Variants in PTPRK observed in about 807,000 individuals in gnomAD.
PTPRK encodes the protein protein tyrosine phosphatase receptor type K.
In PTPRK, 75 loss-of-function variants were observed where a neutral mutation model predicts 178.0. The ratio of observed to expected loss-of-function variants is 0.42; its 90% CI spans 0.35 to 0.51. The LOEUF (loss-of-function observed/expected upper bound fraction) is 0.51. Ranked by LOEUF, PTPRK falls within the 20% of genes least tolerant of loss-of-function variation. The pLI, the probability that PTPRK is intolerant of heterozygous loss-of-function variation, is 0.02. For synonymous variants in PTPRK, 637 were observed against 620.6 expected (o/e 1.03, Z -0.39); for missense variants, 1,441 against 1,797.8 (o/e 0.80, Z 3.59).
chr6:128,455,741 T>C (rs73589590), intron 1 of PTPRK, among the ~76,000 whole-genome samples: 2,357 of 152,244 alleles, frequency 0.015, 58 homozygotes, highest in African/African-American at 0.053. Context: ...GGTGAAGATA[T>C]ACAGTCATTT....
At chr6:128,424,942 T>G (rs1001599523) in intron 1 of PTPRK, among the ~76,000 whole-genome samples, 1 of 151,994 alleles carries the variant, frequency 6.6e-6, no homozygotes, top group Non-Finnish European at 1.5e-5. Context: ...CCTTTCCTTT[T>G]TTTCTTTTTT....
chr6:128,279,452 A>G (rs1821335058), intron 3 of PTPRK, among the ~76,000 whole-genome samples: 2 of 152,194 alleles, frequency 1.3e-5, no homozygotes, highest in African/African-American at 4.8e-5. Flanking sequence ...TCCCCAATGA[A>G]TGGCTTTCCT....
chr6:128,028,323 C>T (rs1353954538), intron 13 of PTPRK, among the ~76,000 whole-genome samples: 1 of 152,130 alleles, frequency 6.6e-6, no homozygotes, highest in Non-Finnish European at 1.5e-5. Flanking sequence ...TTTCAGAACA[C>T]CTTTTAAGGT....
intron 9 of PTPRK, 71 bp downstream of exon 9, chr6:128,083,644 T>C (rs538528195): frequency 3.3e-4 from 277 of 843,282 alleles, no homozygotes; most frequent in Non-Finnish European, 4.5e-4. Flanking sequence ...TATTTCCCTC[T>C]AACTTTTCCT....
chr6:128,164,938 T>A (rs1799185416), intron 7 of PTPRK, among the ~76,000 whole-genome samples: 1 of 151,382 alleles, frequency 6.6e-6, no homozygotes, highest in South Asian at 2.1e-4. Context: ...CTATCTAAAT[T>A]ATCACAATGG....
chr6:128,219,271 G>A (rs1425961986), intron 5 of PTPRK, among the ~76,000 whole-genome samples, 175 bp from the exon 6 acceptor site: 3 of 143,386 alleles, frequency 2.1e-5, no homozygotes, highest in African/African-American at 7.3e-5. Flanking sequence ...CGAAAGCAGT[G>A]GTCCTCAACC....
chr6:128,109,676 T>C (rs759034974), intron 7 of PTPRK, among the ~76,000 whole-genome samples: 1 of 152,192 alleles, frequency 6.6e-6, no homozygotes, highest in African/African-American at 2.4e-5. Context: ...CAGTGAACTG[T>C]TGGTAATAAA....
chr6:128,481,707 T>C (rs866671234), intron 1 of PTPRK, among the ~76,000 whole-genome samples: 4 of 152,190 alleles, frequency 2.6e-5, no homozygotes, highest in Middle Eastern at 3.4e-3. Context: ...ATTGAAAATA[T>C]TATAATTATA....
chr6:128,097,091 G>T (rs1056850174), intron 7 of PTPRK, among the ~76,000 whole-genome samples: 1 of 152,104 alleles, frequency 6.6e-6, no homozygotes, highest in East Asian at 1.9e-4. Context: ...GCTCCCATGG[G>T]TCAAATTGAG....
intron 29 of PTPRK, among the ~76,000 whole-genome samples, chr6:127,972,531 TAC>T (rs1410574257): frequency 6.6e-6 from 1 of 152,230 alleles, no homozygotes; most frequent in Non-Finnish European, 1.5e-5. Context: ...AACTGCCCTC[TAC>T]AGTTGGTAAA....
intron 1 of PTPRK, among the ~76,000 whole-genome samples, chr6:128,475,599 A>G (rs530168605): frequency 2.0e-4 from 30 of 152,184 alleles, no homozygotes; most frequent in African/African-American, 7.0e-4. Flanking sequence ...AACCAAGGCC[A>G]ACTGGCAAGT....
At chr6:128,297,235 G>A (rs568516654) in intron 3 of PTPRK, among the ~76,000 whole-genome samples, 2 of 152,180 alleles carry the variant, frequency 1.3e-5, no homozygotes, top group South Asian at 2.1e-4. Context: ...CAAGTCCTGA[G>A]TGACCTACAA....
chr6:128,052,992 A>G (rs1779283005), intron 13 of PTPRK, among the ~76,000 whole-genome samples: 1 of 152,018 alleles, frequency 6.6e-6, no homozygotes, highest in Non-Finnish European at 1.5e-5. Context: ...TTCATGTTGT[A>G]CTTTCCTTGT....
Position 128,422,676 on chromosome 6 carries a change from C to CAAAAA in PTPRK, c.101-24993_101-24989dup, listed in dbSNP as rs750423577. On this transcript the variant is annotated intron_variant, in intron 1 of 29. Transcript: ENST00000368226. ...AATAGTTTTTAACATTTCACGGACG[C>CAAAAA]AAAAAAAAAAAAAAAAAAAAAAAAA... 1.4e-3 allele frequency among the ~76,000 whole-genome samples: 21 copies of CAAAAA among 14,714 alleles called. 3 individuals are homozygous for CAAAAA. The highest frequency in any genetic ancestry group is 4.5e-3 in the East Asian group (1 of 220). The allele number at this position is 14,714 out of a possible 152,430, so 9.7% of individuals were successfully genotyped here. A position where few individuals can be genotyped will look rare whatever the true frequency, so the allele number is the denominator to read the frequency against.
intron 7 of PTPRK, among the ~76,000 whole-genome samples, chr6:128,117,996 C>T (rs1159203122): frequency 6.6e-6 from 1 of 151,982 alleles, no homozygotes; most frequent in Non-Finnish European, 1.5e-5. Context: ...TTTTTTGTGA[C>T]AGGATAAACA....
At chr6:128,495,046 T>C (rs1182945150) in intron 1 of PTPRK, among the ~76,000 whole-genome samples, 1 of 152,250 alleles carries the variant, frequency 6.6e-6, no homozygotes, top group Non-Finnish European at 1.5e-5. Flanking sequence ...ATTTTAAAAA[T>C]ATTTCTTCCT....
intron 1 of PTPRK, among the ~76,000 whole-genome samples, chr6:128,505,018 A>C (rs1196564350): frequency 6.6e-6 from 1 of 151,886 alleles, no homozygotes; most frequent in Non-Finnish European, 1.5e-5. Flanking sequence ...GTGCCATAGA[A>C]GTTTTGAAGT....
intron 1 of PTPRK, among the ~76,000 whole-genome samples, chr6:128,483,091 A>G (rs1028627764): frequency 2.6e-5 from 4 of 152,194 alleles, no homozygotes; most frequent in Non-Finnish European, 5.9e-5. Context: ...AGTAATGCCA[A>G]CAACACTAGG....
chr6:128,295,967 AT>A (rs1824279369), intron 3 of PTPRK, among the ~76,000 whole-genome samples: 1 of 152,142 alleles, frequency 6.6e-6, no homozygotes, highest in Admixed American at 6.6e-5. Flanking sequence ...TCTAAAGAAC[AT>A]AAAAAACGAT....
Sources: allele counts gnomAD v4.1 joint callset (sites outside exome capture counted in the v4.1 genomes callset), GRCh38; gene constraint gnomAD v4.1.1; transcripts MANE v1.5; gene names NCBI Gene and HGNC (gene_info 2026-07-23, HGNC 2026-07-21).